Variants in ABLIM2 observed in about 807,000 individuals in gnomAD.
ABLIM2 encodes the protein actin binding LIM protein family member 2.
In ABLIM2, 53 loss-of-function variants were observed where a neutral mutation model predicts 97.7. The ratio of observed to expected loss-of-function variants is 0.54; its 90% CI spans 0.44 to 0.68. The LOEUF is 0.68. ABLIM2 is among the 30% of genes least tolerant of loss of function. The pLI is 0.00. For missense variants in ABLIM2, 835 were observed against 867.2 expected (o/e 0.96, Z 0.47); for synonymous variants, 361 against 345.8 (o/e 1.04, Z -0.49).
rs1820243867 is a variant in ABLIM2 at position 8,082,076 on chromosome 4, C to T, written c.455-1274G>A. Among the ~76,000 whole-genome samples, 1 of 152,078 alleles carries T rather than the reference C, an allele frequency of 6.6e-6. No individual in the cohort carries two copies. The highest frequency in any genetic ancestry group is 1.5e-5 in the Non-Finnish European group (1 of 68,000). On this transcript the variant is annotated intron_variant, in intron 4 of 20. Coordinates refer to ENST00000447017, the MANE Select transcript of ABLIM2 (RefSeq NM_001130083.2). The surrounding 1 kb of genome is among the most constrained non-coding windows in gnomAD (Gnocchi z 5.6). Reference sequence around the variant, plus strand: ...GTGTGGTTGTGTGTTGGGGGCATGACAAGGGAAGGGCCTCGGACCCCGTAA... The same window carrying T: ...GTGTGGTTGTGTGTTGGGGGCATGATAAGGGAAGGGCCTCGGACCCCGTAA...
At chr4:7,991,135 G>C (rs1276759668) in intron 17 of ABLIM2, among the ~76,000 whole-genome samples, 1 of 152,224 alleles carries the variant, frequency 6.6e-6, no homozygotes, top group Non-Finnish European at 1.5e-5. Flanking sequence ...AGGGAGTGAG[G>C]ACCATCCCTG....
rs922489002 is a variant in ABLIM2 at position 8,127,748 on chromosome 4, A to G, written c.11-21111T>C. On this transcript the variant is annotated intron_variant, in intron 1 of 20. Coordinates refer to ENST00000447017, the MANE Select transcript of ABLIM2 (RefSeq NM_001130083.2). The surrounding 1 kb of genome is among the most constrained non-coding windows in gnomAD (Gnocchi z 7.3). ...CTCTGCCCGGGGAGGGGCAGAGCCA[A>G]GCCCTTCCCGGCACACTGAAATAGA... The G allele has an allele frequency of 5.1e-6, 5 of 975,788 alleles. No homozygotes were observed. In the African/African-American group the frequency reaches 8.8e-5, roughly 17 times the overall value. 60.4% of individuals were successfully genotyped at this position (975,788 alleles called of 1,614,324 possible).
At position 7,965,797 on chromosome 4, in the gene ABLIM2, A is replaced by G. The variant is rs1306748550; in HGVS notation, c.*1193T>C. ...AGAGCCACATCTCCATCCTATCTCC[A>G]TCCTATCTCCATCCTTCTCTCCCCA... On this transcript the variant is annotated 3_prime_UTR_variant, in exon 21 of 21. Coordinates refer to ENST00000447017, the MANE Select transcript of ABLIM2 (RefSeq NM_001130083.2). The G allele has an allele frequency of 6.6e-6, 1 of 151,998 alleles. No homozygotes were observed. The highest frequency in any genetic ancestry group is 1.9e-4 in the East Asian group (1 of 5,180). The allele number at this position is 151,998 out of a possible 1,614,324, so 9.4% of individuals were successfully genotyped here.
At chr4:7,984,399 C>A (rs34195013) in intron 18 of ABLIM2, among the ~76,000 whole-genome samples, 2 of 152,172 alleles carry the variant, frequency 1.3e-5, no homozygotes, top group African/African-American at 4.8e-5. Context: ...ACCTGCCACA[C>A]GACCAGGTGG....
At position 8,054,215 on chromosome 4, in the gene ABLIM2, T is replaced by G; in HGVS notation, c.795A>C (p.Gln265His). Residue 265 changes from glutamine to histidine, a missense_variant, in exon 8 of 21, where the codon CAA becomes CAC. Coordinates refer to ENST00000447017, the MANE Select transcript of ABLIM2 (RefSeq NM_001130083.2). The surrounding 1 kb of genome is among the most constrained non-coding windows in gnomAD (Gnocchi z 4.9). Reference sequence around the variant, plus strand: ...TGTTTCTGTCTTCAGTTCTGGCTGCTTGTCGACACGCCGGATGCCAGATGG... The same window carrying G: ...TGTTTCTGTCTTCAGTTCTGGCTGCGTGTCGACACGCCGGATGCCAGATGG... ...GSSIWHPACR[Q>H]AARTEDRNKE... is the part of the protein sequence containing the mutation. The G allele has an allele frequency of 3.7e-6, 6 of 1,614,080 alleles. No homozygotes were observed. The highest frequency in any genetic ancestry group is 5.1e-6 in the Non-Finnish European group (6 of 1,179,908).
chr4:8,092,997 C>T (rs2152574058), intron 3 of ABLIM2, among the ~76,000 whole-genome samples: 1 of 152,112 alleles, frequency 6.6e-6, no homozygotes, highest in East Asian at 1.9e-4. Flanking sequence ...TACAGGCGCC[C>T]ACCACCACGC....
intron 2 of ABLIM2, among the ~76,000 whole-genome samples, chr4:8,099,277 T>C (rs1290529894): frequency 6.6e-6 from 1 of 152,230 alleles, no homozygotes; most frequent in Non-Finnish European, 1.5e-5. Flanking sequence ...CAGCGCCACC[T>C]GCCCCAAGAC....
rs575389395 is a variant in ABLIM2 at position 8,120,359 on chromosome 4, G to A, written c.11-13722C>T. 2.6e-5 allele frequency among the ~76,000 whole-genome samples: 4 copies of A among 152,298 alleles called. No homozygotes were observed. The highest frequency in any genetic ancestry group is 9.6e-5 in the African/African-American group (4 of 41,570). On this transcript the variant is annotated intron_variant, in intron 1 of 20. Transcript: ENST00000447017. This position sits in a 1 kb window ranked among gnomAD's most constrained non-coding sequence, Gnocchi z 5.6. Reference sequence around the variant, plus strand: ...TATGGTAAAGCAAGGTGATCTGGAGGGTGGGTCCTCATCCAGTCTGACTGG... The same window carrying A: ...TATGGTAAAGCAAGGTGATCTGGAGAGTGGGTCCTCATCCAGTCTGACTGG...
At chr4:7,980,515 G>C (rs1737167980) in intron 20 of ABLIM2, among the ~76,000 whole-genome samples, 1 of 152,114 alleles carries the variant, frequency 6.6e-6, no homozygotes, top group Non-Finnish European at 1.5e-5. Context: ...GGGAGTTTGA[G>C]AACAGCCTGG....
chr4:8,047,381 C>T (rs1793231991), intron 8 of ABLIM2, among the ~76,000 whole-genome samples: 1 of 151,404 alleles, frequency 6.6e-6, no homozygotes, highest in African/African-American at 2.4e-5. Flanking sequence ...TCCTCCTCCT[C>T]CTCCTCTTTC....
intron 14 of ABLIM2, among the ~76,000 whole-genome samples, chr4:8,018,858 G>A (rs894888869): frequency 1.3e-5 from 2 of 152,146 alleles, no homozygotes; most frequent in African/African-American, 4.8e-5. Flanking sequence ...TTCCCTATTC[G>A]ATATCCCATG....
In ABLIM2 at chr4:8,032,757, A is replaced by G; in HGVS notation, c.1048-2981T>C. On this transcript the variant is annotated intron_variant, in intron 10 of 20. Coordinates refer to ENST00000447017, the MANE Select transcript of ABLIM2 (RefSeq NM_001130083.2). This position sits in a 1 kb window ranked among gnomAD's most constrained non-coding sequence, Gnocchi z 4.3. ...GGAGGAGGGCAGTTCCGTGACTGGCAGGCAACACAGGCGCAAACACCCACA... is the reference window on the plus strand; with the variant it reads ...GGAGGAGGGCAGTTCCGTGACTGGCGGGCAACACAGGCGCAAACACCCACA... 1.3e-6 allele frequency: 2 copies of G among 1,487,084 alleles called. No individual in the cohort carries two copies. Among genetic ancestry groups the G allele is most frequent in the East Asian group, 4.5e-5 (2 of 44,150 alleles). The allele number at this position is 1,487,084 out of a possible 1,614,324, so 92.1% of individuals were successfully genotyped here.
chr4:8,156,640 T>C (rs963336720), intron 1 of ABLIM2, among the ~76,000 whole-genome samples: 7 of 152,232 alleles, frequency 4.6e-5, no homozygotes, highest in Non-Finnish European at 8.8e-5. Flanking sequence ...TTCGGCCCAT[T>C]TGGGCAGCTG....
rs563288447 is a variant in ABLIM2, at chr4:8,058,657, C to T, written c.763+2310G>A. ...ACATGGCCCCTGTCCCACCAGTGCTCGCTGGGACCAGACCCTTGGGTCAGG... is the reference window on the plus strand; with the variant it reads ...ACATGGCCCCTGTCCCACCAGTGCTTGCTGGGACCAGACCCTTGGGTCAGG... On this transcript the variant is annotated intron_variant, in intron 7 of 20. Coordinates refer to ENST00000447017, the MANE Select transcript of ABLIM2 (RefSeq NM_001130083.2). The surrounding 1 kb of genome is among the most constrained non-coding windows in gnomAD (Gnocchi z 4.2). 1.3e-3 allele frequency among the ~76,000 whole-genome samples: 202 copies of T among 152,306 alleles called. No homozygotes were observed. Among genetic ancestry groups the T allele is most frequent in the African/African-American group, 4.6e-3 (191 of 41,578 alleles).
At chr4:8,028,391 T>A (rs769353068) in intron 11 of ABLIM2, among the ~76,000 whole-genome samples, 1 of 152,212 alleles carries the variant, frequency 6.6e-6, no homozygotes, top group Non-Finnish European at 1.5e-5. Flanking sequence ...GCTCACTCAC[T>A]CACTCATTTA....
chr4:8,105,695 A>C (rs1837027223), intron 2 of ABLIM2, among the ~76,000 whole-genome samples: 1 of 152,222 alleles, frequency 6.6e-6, no homozygotes, highest in African/African-American at 2.4e-5. Context: ...GGGGCCGCAC[A>C]CCGCAGCAGG....
chr4:7,973,148 GAAGAAT>G (rs1348652731), intron 20 of ABLIM2, among the ~76,000 whole-genome samples: 7 of 149,842 alleles, frequency 4.7e-5, no homozygotes, highest in Non-Finnish European at 1.0e-4. Context: ...GGAATTCCAG[GAAGAAT>G]AAAGTGCATG....
In ABLIM2 at chr4:7,992,969, G is replaced by A. The variant is rs1247672888; in HGVS notation, c.1619-42C>T. 7 of 1,601,814 alleles carry A rather than the reference G, an allele frequency of 4.4e-6. No homozygotes were observed. The highest frequency in any genetic ancestry group is 3.4e-5 in the Admixed American group (2 of 59,290). ...ACAGCTTTGTCACGCGCGCAGACTC[G>A]GTGCAGCAATGGGGGTGCAGCCCTG... On this transcript the variant is annotated intron_variant, in intron 16 of 20. Coordinates refer to ENST00000447017, the MANE Select transcript of ABLIM2 (RefSeq NM_001130083.2). This position sits in a 1 kb window ranked among gnomAD's most constrained non-coding sequence, Gnocchi z 5.7.
Position 8,155,086 on chromosome 4 carries a change from A to C in ABLIM2, c.10+3594T>G, listed in dbSNP as rs1326596135. Among the ~76,000 whole-genome samples, 1 of 152,232 alleles carries C rather than the reference A, an allele frequency of 6.6e-6. No individual in the cohort carries two copies. The highest frequency in any genetic ancestry group is 1.5e-5 in the Non-Finnish European group (1 of 68,044). ...GCCCTTGACACGTGGGGATTATTAC[A>C]ACTCAAGGTAAGATGTGGGTGGGGA... is the stretch of plus-strand genomic sequence containing the variant. On this transcript the variant is annotated intron_variant, in intron 1 of 20. Transcript: ENST00000447017. This position sits in a 1 kb window ranked among gnomAD's most constrained non-coding sequence, Gnocchi z 4.2.
Sources: allele counts gnomAD v4.1 joint callset (sites outside exome capture counted in the v4.1 genomes callset), GRCh38; gene constraint gnomAD v4.1.1; non-coding constraint Gnocchi (gnomAD v3.1); transcripts MANE v1.5; gene names NCBI Gene and HGNC (gene_info 2026-07-23, HGNC 2026-07-21).